ADGRG5: variants seen among roughly 807,000 people sequenced by gnomAD.
ADGRG5 encodes G protein-coupled receptor 114.
ADGRG5 carries 37 observed loss-of-function variants against 53.2 expected under a neutral mutation model. The ratio of observed to expected loss-of-function variants is 0.70; its 90% CI spans 0.53 to 0.91. ADGRG5 has a LOEUF of 0.91. Ranked by LOEUF, ADGRG5 falls within the 40% of genes least tolerant of loss-of-function variation. ADGRG5 has a pLI of 0.00. For synonymous variants in ADGRG5, 277 were observed against 290.4 expected (o/e 0.95, Z 0.47); for missense variants, 614 against 675.8 (o/e 0.91, Z 1.01).
At chr16:57,529,506 C>G in the ADGRG5 span, among the ~76,000 whole-genome samples, 1 of 152,186 alleles carries the variant, frequency 6.6e-6, no homozygotes, top group Non-Finnish European at 1.5e-5. The surrounding 1 kb of genome is among the most constrained non-coding windows in gnomAD (Gnocchi z 4.1). Flanking sequence ...TCAGTGGCCT[C>G]GACTCCCTGC....
chr16:57,554,702 T>C (rs1414209625), intron 1 of ADGRG5, among the ~76,000 whole-genome samples: 1 of 152,180 alleles, frequency 6.6e-6, no homozygotes, highest in Non-Finnish European at 1.5e-5. Context: ...TATTTTTCCT[T>C]CTGCTTATTT....
intron 1 of ADGRG5, among the ~76,000 whole-genome samples, chr16:57,548,905 C>T (rs1248817785): frequency 1.3e-5 from 2 of 152,016 alleles, no homozygotes; most frequent in Non-Finnish European, 2.9e-5. Flanking sequence ...TGCTATGACT[C>T]TTCATATACA....
chr16:57,559,010 TA>T (rs2032942859), intron 1 of ADGRG5, among the ~76,000 whole-genome samples: 1 of 122,992 alleles, frequency 8.1e-6, no homozygotes, highest in Admixed American at 8.4e-5. Flanking sequence ...CACATCTGCC[TA>T]ATTTTTTTTT....
At chr16:57,554,771 T>C (rs7186184) in intron 1 of ADGRG5, among the ~76,000 whole-genome samples, 2,614 of 152,312 alleles carry the variant, frequency 0.017, 73 homozygotes, top group African/African-American at 0.06. Flanking sequence ...ATCACTGACT[T>C]GAAATCCTTC....
chr16:57,549,019 C>T lies in ADGRG5; in HGVS notation c.-39+6318C>T, dbSNP rs1170709812. On this transcript the variant is annotated intron_variant, in intron 1 of 11. Coordinates refer to ENST00000349457, the MANE Select transcript of ADGRG5 (RefSeq NM_001304376.3). The stretch of plus-strand genomic sequence containing the variant: ...CATGTTTAGTTTTATAAGAAACTGT[C>T]GAACTGTTTTCCAGAATGGCATTGG... 5.3e-5 allele frequency among the ~76,000 whole-genome samples: 8 copies of T among 152,184 alleles called. 1 individual carries two copies. In the South Asian group the frequency reaches 1.5e-3, roughly 28 times the overall value.
chr16:57,563,388 A>C, intron 4 of ADGRG5, 141 bp downstream of exon 4: 1 of 719,470 alleles, frequency 1.4e-6, no homozygotes, highest in East Asian at 2.7e-5. Flanking sequence ...ACTGGCAGTG[A>C]GTTGCCTCCT....
chr16:57,563,367 G>A, intron 4 of ADGRG5, 120 bp downstream of exon 4: 4 of 861,198 alleles, frequency 4.6e-6, no homozygotes, highest in Non-Finnish European at 7.4e-6. Context: ...CACAGTCCAG[G>A]CTCTGCCCTA....
the ADGRG5 span, among the ~76,000 whole-genome samples, chr16:57,532,856 C>T: frequency 2.6e-5 from 4 of 152,084 alleles, no homozygotes; most frequent in African/African-American, 4.8e-5. Flanking sequence ...GCAGGAAACC[C>T]GAATGCCAGC....
chr16:57,567,430 T>C (rs751340483), intron 7 of ADGRG5, 40 bp from the exon 8 acceptor site: 1 of 1,599,518 alleles, frequency 6.3e-7, no homozygotes, highest in South Asian at 1.1e-5. Context: ...GGAAGGGCGA[T>C]ACTATGCTTC....
At chr16:57,572,111 C>CT (rs34875077) in intron 10 of ADGRG5, among the ~76,000 whole-genome samples, 24,817 of 144,512 alleles carry the variant, frequency 0.17, 4,740 homozygotes, top group African/African-American at 0.48. Context: ...GGGTTTGTGA[C>CT]TTTTTTTTTT....
intron 1 of ADGRG5, among the ~76,000 whole-genome samples, chr16:57,548,859 C>T (rs547354652): frequency 2.6e-5 from 4 of 151,850 alleles, no homozygotes; most frequent in African/African-American, 9.7e-5. Flanking sequence ...ACCATTTAAC[C>T]ATTTTCACCC....
At chr16:57,556,300 C>T (rs2032882259) in intron 1 of ADGRG5, among the ~76,000 whole-genome samples, 1 of 152,130 alleles carries the variant, frequency 6.6e-6, no homozygotes, top group Non-Finnish European at 1.5e-5. Flanking sequence ...TTGGACTATG[C>T]TTAATGTAAT....
rs367671310 is a variant in ADGRG5 at position 57,576,769 on chromosome 16, C to T, written c.*1231C>T. On this transcript the variant is annotated 3_prime_UTR_variant, in exon 12 of 12. Coordinates refer to ENST00000349457, the MANE Select transcript of ADGRG5 (RefSeq NM_001304376.3). ...CCCAATGCGGCGGTGCACTTTCGCT[C>T]TTGGGGGCTGCACCCCAGACATAGC... The T allele has an allele frequency of 2.0e-5, 3 of 152,200 alleles. No homozygotes were observed. Among genetic ancestry groups the T allele is most frequent in the East Asian group, 1.9e-4 (1 of 5,190 alleles). The allele number at this position is 152,200 out of a possible 1,614,324, so 9.4% of individuals were successfully genotyped here.
chr16:57,539,232 A>G (rs1330003353), upstream of ADGRG5, among the ~76,000 whole-genome samples: 1 of 152,224 alleles, frequency 6.6e-6, no homozygotes, highest in Non-Finnish European at 1.5e-5. Flanking sequence ...ACGCAAGGAC[A>G]AAGACTGTAT....
Position 57,554,576 on chromosome 16 carries a change from C to T in ADGRG5, c.-38-7480C>T, listed in dbSNP as rs571955420. ...TATTTTTAGTAGAGATGGGGTTTCACCGTGTTAGCCAGGATGGTCTCAATC... is the reference window on the plus strand; with the variant it reads ...TATTTTTAGTAGAGATGGGGTTTCATCGTGTTAGCCAGGATGGTCTCAATC... On this transcript the variant is annotated intron_variant, in intron 1 of 11. Coordinates refer to ENST00000349457, the MANE Select transcript of ADGRG5 (RefSeq NM_001304376.3). Among the ~76,000 whole-genome samples the T allele has an allele frequency of 2.6e-5, 4 of 152,068 alleles. No homozygotes were observed. The East Asian group carries it at 5.9e-4, about 23-fold the overall frequency.
intron 1 of ADGRG5, among the ~76,000 whole-genome samples, chr16:57,548,521 A>T (rs2146758561): frequency 6.6e-6 from 1 of 152,294 alleles, no homozygotes; most frequent in South Asian, 2.1e-4. Flanking sequence ...AAAATAAAAG[A>T]TTCCTGTAAA....
rs1451606506 is a variant in ADGRG5, at chr16:57,575,796, G to A, written c.*258G>A. 61 of 476,830 alleles carry A rather than the reference G, an allele frequency of 1.3e-4. No individual in the cohort carries two copies. Among genetic ancestry groups the A allele is most frequent in the Middle Eastern group, 1.1e-3 (2 of 1,740 alleles). 29.5% of individuals were successfully genotyped at this position (476,830 alleles called of 1,614,324 possible). ...TTGTCCTGGTACCTGGGCCCAGCTC[G>A]CCAGGGATGTGGGCAGAGCACCAGC... On this transcript the variant is annotated 3_prime_UTR_variant, in exon 12 of 12. Coordinates refer to ENST00000349457, the MANE Select transcript of ADGRG5 (RefSeq NM_001304376.3).
At chr16:57,561,979 C>T (rs1233629658) in intron 1 of ADGRG5, 77 bp from the exon 2 acceptor site, 2 of 731,646 alleles carry the variant, frequency 2.7e-6, no homozygotes, top group African/African-American at 3.5e-5. Flanking sequence ...GCATGTCCTA[C>T]TCTTGGGACA....
intron 9 of ADGRG5, among the ~76,000 whole-genome samples, chr16:57,569,560 A>G (rs1369772710): frequency 7.3e-6 from 1 of 136,442 alleles, no homozygotes; most frequent in Non-Finnish European, 1.6e-5. Context: ...CACCATTATC[A>G]CCTCCTCTAC....
Sources: allele counts gnomAD v4.1 joint callset (sites outside exome capture counted in the v4.1 genomes callset), GRCh38; gene constraint gnomAD v4.1.1; non-coding constraint Gnocchi (gnomAD v3.1); transcripts MANE v1.5; gene names NCBI Gene and HGNC (gene_info 2026-07-23, HGNC 2026-07-21).